The following RTF1 variants were observed in gnomAD, a reference collection of about 807,000 sequenced individuals.
RTF1 encodes RTF1 homolog, Paf1/RNA polymerase II complex component, also known as RNA polymerase-associated protein RTF1 homolog.
Under a neutral mutation model 95.7 loss-of-function variants are expected in RTF1, and 10 were observed. That is an observed-to-expected ratio of 0.10 (90% CI 0.06 to 0.18). RTF1 has a LOEUF of 0.18. Ranked by LOEUF, RTF1 falls within the 10% of genes least tolerant of loss-of-function variation. RTF1 has a pLI of 1.00. For missense variants in RTF1, 458 were observed against 875.6 expected (o/e 0.52, Z 6.02); for synonymous variants, 305 against 311.8 (o/e 0.98, Z 0.23).
At chr15:41,451,270 A>G (rs2050788336) in intron 2 of RTF1, among the ~76,000 whole-genome samples, 1 of 152,226 alleles carries the variant, frequency 6.6e-6, no homozygotes. Context: ...TAATCAAAAG[A>G]TGATTATTCT....
At chr15:41,432,821 C>T (rs894071517) in intron 1 of RTF1, among the ~76,000 whole-genome samples, 1 of 152,082 alleles carries the variant, frequency 6.6e-6, no homozygotes, top group African/African-American at 2.4e-5. Context: ...CACCTGTAAT[C>T]CCAGCTACTT....
At chr15:41,435,675 GAGA>G (rs1383079075) in intron 1 of RTF1, among the ~76,000 whole-genome samples, 1 of 152,132 alleles carries the variant, frequency 6.6e-6, no homozygotes, top group Non-Finnish European at 1.5e-5. Flanking sequence ...TGTTTAATCT[GAGA>G]AGGTCATTTC....
rs1209554984 is a variant in RTF1, at chr15:41,480,838, GCTGTATAGACCTCCTTTGT to G, written c.*155_*173del. 3 of 646,328 alleles carry G rather than the reference GCTGTATAGACCTCCTTTGT, an allele frequency of 4.6e-6. No individual in the cohort carries two copies. Among genetic ancestry groups the G allele is most frequent in the Non-Finnish European group, 8.4e-6 (3 of 358,954 alleles). The allele number at this position is 646,328 out of a possible 1,614,324, so 40.0% of individuals were successfully genotyped here. A position where few individuals can be genotyped will look rare whatever the true frequency, so the allele number is the denominator to read the frequency against. On this transcript the variant is annotated 3_prime_UTR_variant, in exon 18 of 18. Transcript: ENST00000389629. ...CAGTCATCTGTAATATAAACCATTT[GCTGTATAGACCTCCTTTGT>G]CTGCACACCATCTCCCACCAGCCTC... is the stretch of plus-strand genomic sequence containing the variant.
At chr15:41,478,965 G>GTT in intron 15 of RTF1, 138 bp from the exon 16 acceptor site, 1 of 483,954 alleles carries the variant, frequency 2.1e-6, no homozygotes, top group Non-Finnish European at 3.5e-6. Flanking sequence ...TTTTTTTGCT[G>GTT]CTTTGAGGAA....
chr15:41,430,720 G>A (rs953059357), intron 1 of RTF1, among the ~76,000 whole-genome samples: 15 of 151,824 alleles, frequency 9.9e-5, no homozygotes, highest in Admixed American at 2.6e-4. Context: ...TTGTCTAGGC[G>A]ACAGACCAAG....
intron 2 of RTF1, among the ~76,000 whole-genome samples, chr15:41,443,322 A>T (rs2050745012): frequency 6.6e-6 from 1 of 152,198 alleles, no homozygotes; most frequent in African/African-American, 2.4e-5. Flanking sequence ...CCAACATTTA[A>T]TGACAGAGTA....
chr15:41,430,278 C>T (rs964899423), intron 1 of RTF1, among the ~76,000 whole-genome samples: 1 of 150,874 alleles, frequency 6.6e-6, no homozygotes, highest in South Asian at 2.1e-4. Flanking sequence ...ACTACAACCT[C>T]CACCTCCCGG....
At chr15:41,470,872 A>C (rs1247100845) in intron 7 of RTF1, among the ~76,000 whole-genome samples, 1 of 151,578 alleles carries the variant, frequency 6.6e-6, no homozygotes, top group African/African-American at 2.4e-5. Context: ...TTTAGCCGGG[A>C]TGGTCTCGAT....
chr15:41,428,256 C>CTTTTTTTTTT (rs1566836262), intron 1 of RTF1, among the ~76,000 whole-genome samples: 1 of 133,430 alleles, frequency 7.5e-6, no homozygotes, highest in African/African-American at 2.9e-5. Context: ...TACTGATATC[C>CTTTTTTTTTT]CTTTTTTTTT....
intron 1 of RTF1, among the ~76,000 whole-genome samples, chr15:41,424,784 G>A (rs1396231794): frequency 6.6e-6 from 1 of 152,160 alleles, no homozygotes; most frequent in Non-Finnish European, 1.5e-5. Flanking sequence ...GCCGAGGTGG[G>A]TGGATCATAT....
At chr15:41,427,741 A>G (rs753617801) in intron 1 of RTF1, among the ~76,000 whole-genome samples, 1 of 152,088 alleles carries the variant, frequency 6.6e-6, no homozygotes. Context: ...CACTTAATAA[A>G]TTTTTGTTGA....
At chr15:41,442,972 A>G (rs183487876) in intron 2 of RTF1, among the ~76,000 whole-genome samples, 115 of 152,258 alleles carry the variant, frequency 7.6e-4, no homozygotes, top group African/African-American at 2.4e-3. Context: ...AGTTTTTTCA[A>G]ACTTATATAT....
At chr15:41,468,970 TTC>T (rs1355591778) in intron 6 of RTF1, among the ~76,000 whole-genome samples, 2 of 152,140 alleles carry the variant, frequency 1.3e-5, no homozygotes, top group South Asian at 2.1e-4. Context: ...ATCCATCTTT[TTC>T]TCTCTCTCTT....
rs1274511107 is a variant in RTF1 at position 41,468,963 on chromosome 15, CATCT to C, written c.890-1293_890-1290del. On this transcript the variant is annotated intron_variant, in intron 6 of 17. Coordinates refer to ENST00000389629, the MANE Select transcript of RTF1 (RefSeq NM_015138.5). ...GCAGTTATTTTTCCTTCCTTCCATC[CATCT>C]TTTTCTCTCTCTCTTTTTTGAGACA... 2.6e-5 allele frequency among the ~76,000 whole-genome samples: 4 copies of C among 151,846 alleles called. No homozygotes were observed. In the South Asian group the frequency reaches 8.3e-4, roughly 32 times the overall value.
At chr15:41,466,281 G>A (rs1454758256) in intron 6 of RTF1, 29 bp downstream of exon 6, 1 of 1,402,936 alleles carries the variant, frequency 7.1e-7, no homozygotes, top group Admixed American at 2.7e-5. Context: ...ATGGCTACTT[G>A]TGTCTTTATA....
chr15:41,429,691 T>C (rs760168913), intron 1 of RTF1, among the ~76,000 whole-genome samples: 9 of 152,138 alleles, frequency 5.9e-5, no homozygotes, highest in African/African-American at 2.2e-4. Flanking sequence ...CAAGCTGTTA[T>C]CAGCTTCAGG....
chr15:41,435,080 G>A (rs886367757), intron 1 of RTF1, among the ~76,000 whole-genome samples: 5 of 151,590 alleles, frequency 3.3e-5, no homozygotes, highest in Non-Finnish European at 2.9e-5. Context: ...CCTGCCTGTA[G>A]CCTCCTGCCT....
intron 1 of RTF1, among the ~76,000 whole-genome samples, chr15:41,437,994 C>G (rs2050713692): frequency 6.6e-6 from 1 of 152,180 alleles, no homozygotes; most frequent in Admixed American, 6.6e-5. Flanking sequence ...AAACATGTTT[C>G]TTACCAGTCC....
intron 1 of RTF1, among the ~76,000 whole-genome samples, chr15:41,432,843 G>A (rs2050682140): frequency 6.6e-6 from 1 of 152,108 alleles, no homozygotes; most frequent in African/African-American, 2.4e-5. Context: ...GGAGGCTGAG[G>A]CAGGAGAATT....
Sources: allele counts gnomAD v4.1 joint callset (sites outside exome capture counted in the v4.1 genomes callset), GRCh38; gene constraint gnomAD v4.1.1; transcripts MANE v1.5; gene names NCBI Gene and HGNC (gene_info 2026-07-23, HGNC 2026-07-21).